MADD: variants seen among roughly 807,000 people sequenced by gnomAD.
The protein encoded by MADD is MAP kinase activating death domain.
Under a neutral mutation model 176.7 loss-of-function variants are expected in MADD, and 109 were observed. The observed-to-expected ratio is 0.62, with a 90% CI of 0.53 to 0.72. The LOEUF (loss-of-function observed/expected upper bound fraction) is 0.72, where lower values mean the gene tolerates loss of function less well. Ranked by LOEUF, MADD falls within the 30% of genes least tolerant of loss-of-function variation. The pLI, the probability that MADD is intolerant of heterozygous loss-of-function variation, is 0.00. For synonymous variants in MADD, 771 were observed against 771.3 expected (o/e 1.00, Z 0.01); for missense variants, 1,914 against 2,045.5 (o/e 0.94, Z 1.24).
intron 20 of MADD, among the ~76,000 whole-genome samples, chr11:47,294,779 TC>T (rs2069283677): frequency 6.6e-6 from 1 of 151,864 alleles, no homozygotes; most frequent in African/African-American, 2.4e-5. Context: ...AATATTAGTA[TC>T]CATTAAAGAT....
chr11:47,286,754 G>A (rs747126527), intron 15 of MADD, among the ~76,000 whole-genome samples: 17 of 152,170 alleles, frequency 1.1e-4, no homozygotes, highest in Non-Finnish European at 2.2e-4. Flanking sequence ...TTAGGACAAT[G>A]GCAACTGTGG....
rs767232312 is a variant in MADD at position 47,323,636 on chromosome 11, C to A, written c.4198-35C>A. ...CAGTCTAGGGAGAGGCTGTCAGAGA[C>A]AGGAACCACTGAGCCGCTTTGTGCA... On this transcript the variant is annotated intron_variant, in intron 27 of 32. Transcript: ENST00000402192. 12 of 1,604,268 alleles carry A rather than the reference C, an allele frequency of 7.5e-6. No homozygotes were observed. The Admixed American group carries it at 2.0e-4, about 27-fold the overall frequency.
intron 27 of MADD, among the ~76,000 whole-genome samples, chr11:47,318,770 A>C (rs2093742218): frequency 6.8e-6 from 1 of 147,058 alleles, no homozygotes; most frequent in Admixed American, 6.8e-5. Context: ...TGCATGATCA[A>C]CTGGACAGCA....
chr11:47,295,829 T>G (rs1274557958), intron 21 of MADD, 68 bp from the exon 24 acceptor site: 2 of 1,555,034 alleles, frequency 1.3e-6, no homozygotes, highest in Non-Finnish European at 1.7e-6. Context: ...GGCAGGGAGC[T>G]CTAACAGCTT....
At chr11:47,328,945 C>A (rs1218377943) in intron 32 of MADD, 101 bp from the exon 37 acceptor site, 10 of 1,097,732 alleles carry the variant, frequency 9.1e-6, no homozygotes, top group Non-Finnish European at 1.3e-5. Flanking sequence ...CCCAGAGGCC[C>A]ATGCCCAGTG....
rs532843029 is a variant in MADD at position 47,286,394 on chromosome 11, C to T, written c.2552-39C>T. The T allele has an allele frequency of 1.8e-5, 25 of 1,361,616 alleles. No homozygotes were observed. In the East Asian group the frequency reaches 5.5e-4, roughly 30 times the overall value. 84.3% of individuals were successfully genotyped at this position (1,361,616 alleles called of 1,614,324 possible). ...ATTAGTCTACTGCTTTGATTACTTA[C>T]TCTGCCAAGTCATCGCTCTTGCACC... is the stretch of plus-strand genomic sequence containing the variant. On this transcript the variant is annotated intron_variant, in intron 14 of 32. Transcript: ENST00000402192.
intron 30 of MADD, chr11:47,324,872 C>T: frequency 3.3e-6 from 2 of 609,356 alleles, no homozygotes; most frequent in South Asian, 1.9e-5. Context: ...GGGAGCGTCT[C>T]ACTTGGCCCT....
chr11:47,320,194 C>T (rs1360097956), intron 27 of MADD, among the ~76,000 whole-genome samples: 2 of 150,882 alleles, frequency 1.3e-5, no homozygotes, highest in Non-Finnish European at 3.0e-5. Context: ...TGGTGGCTCA[C>T]GCCTGTAATC....
chr11:47,290,351 C>G, intron 18 of MADD, 52 bp downstream of exon 19: 1 of 1,592,538 alleles, frequency 6.3e-7, no homozygotes, highest in Admixed American at 1.7e-5. Context: ...TGCCACTTGT[C>G]TCCTGAAGAG....
chr11:47,319,633 G>A (rs1159250951), intron 27 of MADD, among the ~76,000 whole-genome samples: 2 of 152,128 alleles, frequency 1.3e-5, no homozygotes, highest in Non-Finnish European at 2.9e-5. Flanking sequence ...ATGCATATTT[G>A]TGCAAATATA....
intron 19 of MADD, among the ~76,000 whole-genome samples, chr11:47,292,985 ACT>A (rs1009815397): frequency 4.0e-5 from 6 of 148,254 alleles, no homozygotes; most frequent in Admixed American, 2.7e-4. Flanking sequence ...TAGCTGCCCC[ACT>A]CTCTGGTGGC....
At chr11:47,287,983 T>C (rs2062008309) in intron 15 of MADD, among the ~76,000 whole-genome samples, 1 of 151,568 alleles carries the variant, frequency 6.6e-6, no homozygotes, top group African/African-American at 2.4e-5. Flanking sequence ...GAGACAAGGT[T>C]TCACCGTGTT....
intron 2 of MADD, 68 bp downstream of exon 2, chr11:47,274,044 T>TAA: frequency 7.1e-7 from 1 of 1,398,630 alleles, no homozygotes; most frequent in Non-Finnish European, 1.0e-6. Flanking sequence ...GTTGTTCCCT[T>TAA]CTCCGATTTC....
At position 47,276,454 on chromosome 11, in the gene MADD, T is replaced by C. The variant is rs148455701; in HGVS notation, c.963+252T>C. On this transcript the variant is annotated intron_variant, in intron 4 of 32. Coordinates refer to ENST00000402192, the Ensembl canonical transcript of MADD. Reference sequence around the variant, plus strand: ...CCTTAATTGTACTGACCTAATTCTTTGGAAATATCAGTAGTTCTGTTTCAG... The same window carrying C: ...CCTTAATTGTACTGACCTAATTCTTCGGAAATATCAGTAGTTCTGTTTCAG... Among the ~76,000 whole-genome samples the C allele has an allele frequency of 5.4e-3, 817 of 152,322 alleles. 7 individuals are homozygous for C. Among genetic ancestry groups the C allele is most frequent in the Middle Eastern group, 0.024 (7 of 294 alleles).
chr11:47,301,754 T>C (rs2077973264), intron 22 of MADD, among the ~76,000 whole-genome samples: 1 of 152,252 alleles, frequency 6.6e-6, no homozygotes, highest in Non-Finnish European at 1.5e-5. Context: ...TTTCTTGTTA[T>C]TTATTTCTAA....
At chr11:47,326,679 T>C in intron 30 of MADD, 59 bp from the exon 35 acceptor site, 1 of 1,589,880 alleles carries the variant, frequency 6.3e-7, no homozygotes, top group Non-Finnish European at 8.6e-7. Context: ...GAGAGTGTGC[T>C]GTGTGGGGCA....
chr11:47,286,728 G>A (rs1013557155), intron 15 of MADD, among the ~76,000 whole-genome samples, 194 bp downstream of exon 15: 3 of 152,238 alleles, frequency 2.0e-5, no homozygotes, highest in East Asian at 3.9e-4. Flanking sequence ...AGCTAGAGAC[G>A]GCCCTGTTAT....
intron 22 of MADD, among the ~76,000 whole-genome samples, chr11:47,303,518 G>A (rs541124870): frequency 5.9e-5 from 9 of 151,830 alleles, no homozygotes; most frequent in African/African-American, 1.7e-4. Flanking sequence ...GATTACAGGC[G>A]TGAGCCACTG....
intron 22 of MADD, among the ~76,000 whole-genome samples, chr11:47,304,822 T>G (rs575642283): frequency 3.9e-5 from 6 of 152,332 alleles, no homozygotes; most frequent in Admixed American, 3.3e-4. Context: ...TTCATGTTTC[T>G]TATGTCTCTG....
Sources: allele counts gnomAD v4.1 joint callset (sites outside exome capture counted in the v4.1 genomes callset), GRCh38; gene constraint gnomAD v4.1.1; transcripts MANE v1.5; gene names NCBI Gene and HGNC (gene_info 2026-07-23, HGNC 2026-07-21).